The following NLRP9 variants were observed in gnomAD, a reference collection of about 807,000 sequenced individuals.
The protein encoded by NLRP9 is NACHT, LRR and PYD domains-containing protein 9.
NLRP9 carries 88 observed loss-of-function variants against 83.1 expected under a neutral mutation model. The ratio of observed to expected loss-of-function variants is 1.06; its 90% CI spans 0.89 to 1.26. The LOEUF is 1.26. Ranked by LOEUF, NLRP9 falls within the 50% of genes most tolerant of loss-of-function variation. The pLI is 0.00. For synonymous variants in NLRP9, 521 were observed against 447.6 expected (o/e 1.16, Z -2.07); for missense variants, 1,308 against 1,179.3 (o/e 1.11, Z -1.60).
At chr19:55,723,522 T>C (rs1399082106) in intron 4 of NLRP9, among the ~76,000 whole-genome samples, 1 of 151,690 alleles carries the variant, frequency 6.6e-6, no homozygotes, top group East Asian at 1.9e-4. Flanking sequence ...AGACCACGAG[T>C]GCAAGATCAG....
At chr19:55,722,239 T>TAC (rs1988249648) in intron 4 of NLRP9, among the ~76,000 whole-genome samples, 1 of 152,228 alleles carries the variant, frequency 6.6e-6, no homozygotes, top group Non-Finnish European at 1.5e-5. Context: ...ATTGTAGATA[T>TAC]GTTCCCCAAT....
At chr19:55,737,010 C>T (rs1988802854) in intron 1 of NLRP9, among the ~76,000 whole-genome samples, 1 of 151,844 alleles carries the variant, frequency 6.6e-6, no homozygotes, top group South Asian at 2.1e-4. Context: ...GTTGATGGAA[C>T]TCAAAAGTAA....
intron 3 of NLRP9, 76 bp from the exon 4 acceptor site, chr19:55,724,220 T>G (rs1343479751): frequency 3.0e-6 from 3 of 1,015,716 alleles, no homozygotes; most frequent in African/African-American, 1.6e-5. Flanking sequence ...TGTACGATTC[T>G]TCCTGCCCTG....
rs1023651417 is a variant in NLRP9, at chr19:55,722,619, C to T, written c.2159+1361G>A. Among the ~76,000 whole-genome samples, 4 of 152,172 alleles carry T rather than the reference C, an allele frequency of 2.6e-5. No homozygotes were observed. In the South Asian group the frequency reaches 6.2e-4, roughly 24 times the overall value. On this transcript the variant is annotated intron_variant, in intron 4 of 8. Transcript: ENST00000332836. ...TTTAGTGGGCTGATTTTATTTATTG[C>T]TGCCTCAATGACTTCCTTTGTTCTC...
Position 55,733,492 on chromosome 19 carries a change from C to G in NLRP9, c.339G>C (p.Lys113Asn), listed in dbSNP as rs1279429651. 1 of 1,612,364 alleles carries G rather than the reference C, an allele frequency of 6.2e-7. No individual in the cohort carries two copies. Among genetic ancestry groups the G allele is most frequent in the African/African-American group, 1.3e-5 (1 of 74,820 alleles). Residue 113 changes from lysine to asparagine, a missense_variant, in exon 2 of 9, where the codon AAG becomes AAC. By Grantham distance (94) the Lys-to-Asn change is moderately conservative. Coordinates refer to ENST00000332836, the MANE Select transcript of NLRP9 (RefSeq NM_176820.4). ...GCTCAGGGACGTGAAGACAGGTTTC[C>G]TTCTCCCATATGAGTTGAAATGTTT... Reference protein sequence around the residue: ...MKETFQLIWEKETCLHVPEHF... With the variant: ...MKETFQLIWENETCLHVPEHF...
chr19:55,719,399 C>T (rs1245680670), intron 4 of NLRP9, among the ~76,000 whole-genome samples: 6 of 152,126 alleles, frequency 3.9e-5, no homozygotes, highest in Non-Finnish European at 7.4e-5. Flanking sequence ...GTGATCTGCC[C>T]GCCTCGGCCT....
chr19:55,723,128 C>CAT (rs1988283046), intron 4 of NLRP9, among the ~76,000 whole-genome samples: 1 of 151,884 alleles, frequency 6.6e-6, no homozygotes, highest in East Asian at 1.9e-4. Context: ...ACATGTACTC[C>CAT]AGAACTTAAA....
chr19:55,715,985 C>A lies in NLRP9; in HGVS notation c.2330+743G>T, dbSNP rs199476228. ...CTAGTCACAAAAAAATAAAATGCTT[C>A]AATGATGTCAGATGATGAGTATGTT... On this transcript the variant is annotated intron_variant, in intron 5 of 8. Coordinates refer to ENST00000332836, the MANE Select transcript of NLRP9 (RefSeq NM_176820.4). 6.6e-6 allele frequency among the ~76,000 whole-genome samples: 1 copy of A among 152,284 alleles called. No individual in the cohort carries two copies. The highest frequency in any genetic ancestry group is 1.5e-5 in the Non-Finnish European group (1 of 68,020).
chr19:55,733,416 A>G lies in NLRP9; in HGVS notation c.415T>C (p.Tyr139His). ...GTGTGTCGTCTAGCCGCAGCAGTAT[A>G]TGCGTCATTCAATTCTTTATACTCA... ...KNEYKELNDAYTAAARRHTVV... is the reference protein window; with the variant it reads ...KNEYKELNDAHTAAARRHTVV... The change falls in exon 2 of 9, where the codon TAT (tyrosine) becomes CAT (histidine). Residue 139 changes from tyrosine (Y) to histidine (H), a missense_variant. Coordinates refer to ENST00000332836, the MANE Select transcript of NLRP9 (RefSeq NM_176820.4). 6.2e-7 allele frequency: 1 copy of G among 1,614,128 alleles called. No homozygotes were observed. Among genetic ancestry groups the G allele is most frequent in the Non-Finnish European group, 8.5e-7 (1 of 1,179,992 alleles).
At chr19:55,718,926 G>A (rs1165478917) in intron 4 of NLRP9, among the ~76,000 whole-genome samples, 2 of 152,186 alleles carry the variant, frequency 1.3e-5, no homozygotes, top group African/African-American at 2.4e-5. Context: ...GTGTCTATCT[G>A]GCTGCACATC....
intron 3 of NLRP9, among the ~76,000 whole-genome samples, chr19:55,728,026 A>C (rs555822591): frequency 6.6e-6 from 1 of 152,328 alleles, no homozygotes; most frequent in Admixed American, 6.5e-5. Flanking sequence ...ACCAGGACAC[A>C]ATAAATTCCT....
chr19:55,712,101 G>C lies in NLRP9; in HGVS notation c.2673-131C>G, dbSNP rs184893517. On this transcript the variant is annotated intron_variant, in intron 7 of 8. Coordinates refer to ENST00000332836, the MANE Select transcript of NLRP9 (RefSeq NM_176820.4). ...GTCTAGACCCGGGCTTCTCAGCCAG[G>C]ACGATTGTGCTCCTGGGGGACGTAT... The C allele has an allele frequency of 1.9e-4, 173 of 903,760 alleles. No individual in the cohort carries two copies. The East Asian group carries it at 4.5e-3, about 23-fold the overall frequency. 56.0% of individuals were successfully genotyped at this position (903,760 alleles called of 1,614,324 possible). A position where few individuals can be genotyped will look rare whatever the true frequency, so the allele number is the denominator to read the frequency against.
At position 55,733,394 on chromosome 19, in the gene NLRP9, T is replaced by C; in HGVS notation, c.437A>G (p.His146Arg). The C allele has an allele frequency of 6.2e-7, 1 of 1,614,200 alleles. No homozygotes were observed. Among genetic ancestry groups the C allele is most frequent in the East Asian group, 2.2e-5 (1 of 44,890 alleles). Residue 146 changes from histidine (H) to arginine (R), a missense_variant, in exon 2 of 9, where the codon CAC (histidine) becomes CGC (arginine). Coordinates refer to ENST00000332836, the MANE Select transcript of NLRP9 (RefSeq NM_176820.4). ...ATCAGGACCTTCCAGGACCACAGTG[T>C]GTCGTCTAGCCGCAGCAGTATATGC... ...NDAYTAAARRHTVVLEGPDGI... is the reference protein window; with the variant it reads ...NDAYTAAARRRTVVLEGPDGI...
chr19:55,710,294 G>C (rs764308441), intron 8 of NLRP9, among the ~76,000 whole-genome samples: 2 of 152,116 alleles, frequency 1.3e-5, no homozygotes, highest in African/African-American at 2.4e-5. Context: ...TCTCCTCTCT[G>C]AATTCATTTT....
chr19:55,729,641 G>T (rs940963790), intron 3 of NLRP9, among the ~76,000 whole-genome samples, 190 bp downstream of exon 3: 1 of 151,906 alleles, frequency 6.6e-6, no homozygotes, highest in African/African-American at 2.4e-5. Context: ...ATCATTGATG[G>T]ACATTTGGGT....
intron 4 of NLRP9, among the ~76,000 whole-genome samples, chr19:55,720,342 A>G (rs1488071612): frequency 6.6e-6 from 1 of 152,148 alleles, no homozygotes; most frequent in Non-Finnish European, 1.5e-5. Context: ...TTTTCTTTTG[A>G]GACGTGGTCT....
At chr19:55,733,624 C>A in intron 1 of NLRP9, 74 bp from the exon 2 acceptor site, 3 of 935,576 alleles carry the variant, frequency 3.2e-6, no homozygotes, top group South Asian at 3.5e-5. Flanking sequence ...AACTGTAAAC[C>A]AAAAATAAAA....
chr19:55,722,892 C>G (rs71368864), intron 4 of NLRP9, among the ~76,000 whole-genome samples: 15,504 of 151,930 alleles, frequency 0.1, 873 homozygotes, highest in East Asian at 0.18. Context: ...CAAAGTAACA[C>G]AAGAAGAGAA....
In NLRP9 at chr19:55,708,712, G is replaced by T; in HGVS notation, c.*200C>A. The stretch of plus-strand genomic sequence containing the variant: ...CAGGATGGGATTTCTAAAGACAAGG[G>T]GATATAGGACCGAGGCAAAGACAAT... On this transcript the variant is annotated 3_prime_UTR_variant, in exon 9 of 9. Coordinates refer to ENST00000332836, the MANE Select transcript of NLRP9 (RefSeq NM_176820.4). The T allele has an allele frequency of 2.4e-6, 1 of 418,952 alleles. No individual in the cohort carries two copies. The highest frequency in any genetic ancestry group is 6.5e-4 in the Middle Eastern group (1 of 1,540). The allele number at this position is 418,952 out of a possible 1,614,324, so 26.0% of individuals were successfully genotyped here.
Sources: gnomAD v4.1 joint callset for allele counts (sites outside exome capture counted in the v4.1 genomes callset) on GRCh38, gnomAD v4.1.1 for gene constraint, MANE v1.5 for transcripts, NCBI Gene and HGNC (gene_info 2026-07-23, HGNC 2026-07-21) for gene names.